Variants in REDIC1 observed in about 807,000 individuals in gnomAD.
The protein encoded by REDIC1 is HEI10 Interacting Protein 1.
the REDIC1 span, chr12:39,682,535 A>C: frequency 3.7e-5 from 42 of 1,138,796 alleles, no homozygotes; most frequent in Non-Finnish European, 4.5e-5. Flanking sequence ...ATGTCCTCTA[A>C]GAATTGAAAG....
At chr12:39,720,771 A>G in the REDIC1 span, 2 of 1,570,788 alleles carry the variant, frequency 1.3e-6, no homozygotes, top group Non-Finnish European at 1.7e-6. Flanking sequence ...GAGCAAAATT[A>G]TTAATTTCTT....
At chr12:39,793,334 G>T in the REDIC1 span, among the ~76,000 whole-genome samples, 1 of 152,066 alleles carries the variant, frequency 6.6e-6, no homozygotes, top group African/African-American at 2.4e-5. Flanking sequence ...AAATATTAAA[G>T]ACTAAATAAA....
At chr12:39,686,349 T>G in the REDIC1 span, among the ~76,000 whole-genome samples, 1 of 152,188 alleles carries the variant, frequency 6.6e-6, no homozygotes, top group Non-Finnish European at 1.5e-5. Context: ...TCTCAAGGCT[T>G]AACTTTTACA....
At chr12:39,677,044 C>G in the REDIC1 span, among the ~76,000 whole-genome samples, 1 of 146,614 alleles carries the variant, frequency 6.8e-6, no homozygotes, top group Non-Finnish European at 1.5e-5. Context: ...AAAAAAACAC[C>G]AAGATATCCA....
the REDIC1 span, among the ~76,000 whole-genome samples, chr12:39,900,305 A>C: frequency 6.6e-6 from 1 of 151,878 alleles, no homozygotes; most frequent in African/African-American, 2.4e-5. Context: ...CTCTCTCACC[A>C]CTCCTATTCA....
the REDIC1 span, among the ~76,000 whole-genome samples, chr12:39,712,821 G>C: frequency 6.9e-6 from 1 of 144,478 alleles, no homozygotes; most frequent in Non-Finnish European, 1.5e-5. Flanking sequence ...GTATACATGT[G>C]TGTATGTATA....
the REDIC1 span, among the ~76,000 whole-genome samples, chr12:39,649,516 G>A: frequency 6.7e-6 from 1 of 149,562 alleles, no homozygotes; most frequent in South Asian, 2.1e-4. Flanking sequence ...ATTAGTATAA[G>A]CTCTCTCTGA....
At chr12:39,896,440 A>G in the REDIC1 span, among the ~76,000 whole-genome samples, 4 of 141,700 alleles carry the variant, frequency 2.8e-5, no homozygotes, top group Non-Finnish European at 4.6e-5. Flanking sequence ...ATGTATACAT[A>G]TATGTATATG....
the REDIC1 span, among the ~76,000 whole-genome samples, chr12:39,856,555 G>A: frequency 3.3e-5 from 5 of 152,058 alleles, no homozygotes; most frequent in African/African-American, 2.4e-5. Context: ...TTTTAGTAGA[G>A]ATGGGGTTTC....
chr12:39,667,216 T>G, the REDIC1 span, among the ~76,000 whole-genome samples: 6 of 152,190 alleles, frequency 3.9e-5, no homozygotes, highest in Admixed American at 1.3e-4. Context: ...TGCTAGAAAT[T>G]TCCCTCTATA....
chr12:39,735,391 G>A, the REDIC1 span, among the ~76,000 whole-genome samples: 5 of 152,252 alleles, frequency 3.3e-5, no homozygotes, highest in African/African-American at 9.6e-5. Flanking sequence ...ATGAAGTAAC[G>A]TAGAAAATAG....
At chr12:39,667,519 C>T in the REDIC1 span, among the ~76,000 whole-genome samples, 5 of 152,000 alleles carry the variant, frequency 3.3e-5, no homozygotes, top group Non-Finnish European at 2.9e-5. Flanking sequence ...AGTGCGGTGT[C>T]GTGCTGAGAA....
chr12:39,902,703 T>C, the REDIC1 span, among the ~76,000 whole-genome samples: 3 of 152,062 alleles, frequency 2.0e-5, no homozygotes, highest in African/African-American at 7.2e-5. Flanking sequence ...ATATCCCAAA[T>C]GCGTCACCTT....
the REDIC1 span, among the ~76,000 whole-genome samples, chr12:39,801,333 G>A: frequency 5.8e-5 from 3 of 51,962 alleles, no homozygotes. Context: ...AAATGAATGA[G>A]GAAATTAAAA....
At chr12:39,646,872 A>G in the REDIC1 span, 1 of 1,599,116 alleles carries the variant, frequency 6.3e-7, no homozygotes, top group Non-Finnish European at 8.5e-7. Context: ...AGCAAGGAAG[A>G]TCTTGGCCCA....
the REDIC1 span, among the ~76,000 whole-genome samples, chr12:39,713,362 G>C: frequency 5.6e-5 from 8 of 142,334 alleles, 1 homozygote; most frequent in East Asian, 2.1e-4. Flanking sequence ...ACACATATAC[G>C]TGTATACACA....
At chr12:39,807,320 G>A in the REDIC1 span, among the ~76,000 whole-genome samples, 1 of 152,072 alleles carries the variant, frequency 6.6e-6, no homozygotes, top group African/African-American at 2.4e-5. Context: ...TGATAACACT[G>A]TATAAAATAC....
the REDIC1 span, among the ~76,000 whole-genome samples, chr12:39,698,253 G>A: frequency 1.3e-5 from 2 of 152,130 alleles, no homozygotes; most frequent in African/African-American, 4.8e-5. Context: ...GGCCATGAGT[G>A]CTCCATCCTC....
the REDIC1 span, among the ~76,000 whole-genome samples, chr12:39,907,183 A>G: frequency 6.6e-6 from 1 of 152,136 alleles, no homozygotes; most frequent in African/African-American, 2.4e-5. Context: ...AATCTTCTAA[A>G]TAAGAAAGCC....
Sources: gnomAD v4.1 joint callset for allele counts (sites outside exome capture counted in the v4.1 genomes callset) on GRCh38, gnomAD v4.1.1 for gene constraint, MANE v1.5 for transcripts, NCBI Gene and HGNC (gene_info 2026-07-23, HGNC 2026-07-21) for gene names.